The following PRKN variants were observed in gnomAD, a reference collection of about 807,000 sequenced individuals.
PRKN encodes E3 ubiquitin-protein ligase parkin.
Under a neutral mutation model 59.5 loss-of-function variants are expected in PRKN, and 56 were observed. That is an observed-to-expected ratio of 0.94 (90% confidence interval 0.76 to 1.18). PRKN has a LOEUF of 1.18. Among genes scored for constraint, PRKN ranks in the 50% most tolerant of loss-of-function variants. The pLI, the probability that PRKN is intolerant of heterozygous loss-of-function variation, is 0.00. For missense variants in PRKN, 657 were observed against 596.4 expected (o/e 1.10, Z -1.06); for synonymous variants, 250 against 222.1 (o/e 1.13, Z -1.12).
chr6:162,229,987 C>T (rs1018171029), intron 3 of PRKN, among the ~76,000 whole-genome samples: 1 of 152,254 alleles, frequency 6.6e-6, no homozygotes. Context: ...AGAACCACTC[C>T]GCCACAGAGC....
intron 1 of PRKN, among the ~76,000 whole-genome samples, chr6:162,701,783 AC>A (rs1195472654): frequency 6.6e-6 from 1 of 151,420 alleles, no homozygotes; most frequent in Non-Finnish European, 1.5e-5. Flanking sequence ...CAAAAGTATA[AC>A]TTCAAAAACT....
rs1233841625 is a variant in PRKN at position 161,440,770 on chromosome 6, T to C, written c.1084-53893A>G. 1.3e-5 allele frequency among the ~76,000 whole-genome samples: 2 copies of C among 152,202 alleles called. No individual in the cohort carries two copies. The highest frequency in any genetic ancestry group is 1.5e-5 in the Non-Finnish European group (1 of 68,034). On this transcript the variant is annotated intron_variant, in intron 9 of 11. Transcript: ENST00000366898. The surrounding 1 kb of genome is among the most constrained non-coding windows in gnomAD (Gnocchi z 4.1). ...AGGTCCTGAGAGCTCCCTGACATCA[T>C]TCAGGACTGAAGGTAGAAAGTAGAA...
At chr6:162,326,644 A>G (rs1416326171) in intron 2 of PRKN, among the ~76,000 whole-genome samples, 1 of 152,182 alleles carries the variant, frequency 6.6e-6, no homozygotes, top group African/African-American at 2.4e-5. Flanking sequence ...TCATAAATCA[A>G]TGATACTCCC....
At chr6:162,525,816 G>A (rs991585820) in intron 1 of PRKN, among the ~76,000 whole-genome samples, 1 of 152,154 alleles carries the variant, frequency 6.6e-6, no homozygotes, top group African/African-American at 2.4e-5. Context: ...TCGCTAAGCT[G>A]TAAAACATAT....
intron 2 of PRKN, among the ~76,000 whole-genome samples, chr6:162,379,030 C>G (rs531286625): frequency 6.6e-6 from 1 of 152,290 alleles, no homozygotes; most frequent in East Asian, 1.9e-4. Context: ...GGCCTTTATT[C>G]AAATACTTTA....
At position 162,714,282 on chromosome 6, in the gene PRKN, A is replaced by G. The variant is rs1453242951; in HGVS notation, c.7+13380T>C. On this transcript the variant is annotated intron_variant, in intron 1 of 11. Transcript: ENST00000366898. ...GTCTTTAACACAAAAGAACATCTTT[A>G]GAACAATTGTGAAAAAAATCAGACT... 2.6e-5 allele frequency among the ~76,000 whole-genome samples: 4 copies of G among 152,344 alleles called. No individual in the cohort carries two copies. In the East Asian group the frequency reaches 7.7e-4, roughly 29 times the overall value.
At chr6:162,425,953 G>T (rs1789220084) in intron 2 of PRKN, among the ~76,000 whole-genome samples, 1 of 152,192 alleles carries the variant, frequency 6.6e-6, no homozygotes, top group Non-Finnish European at 1.5e-5. Flanking sequence ...GATTTGAAAT[G>T]ATTTCTAAAG....
intron 6 of PRKN, among the ~76,000 whole-genome samples, chr6:161,922,396 T>C (rs1256262193): frequency 6.6e-6 from 1 of 152,232 alleles, no homozygotes; most frequent in East Asian, 1.9e-4. Flanking sequence ...AATGGATGTC[T>C]ATCATTTCTC....
chr6:162,019,757 G>A (rs1257976332), intron 5 of PRKN, among the ~76,000 whole-genome samples: 1 of 152,154 alleles, frequency 6.6e-6, no homozygotes, highest in Non-Finnish European at 1.5e-5. Flanking sequence ...TGGTGGTCAC[G>A]CCTGTAATCC....
At chr6:161,997,485 A>C (rs1390362798) in intron 5 of PRKN, among the ~76,000 whole-genome samples, 1 of 152,032 alleles carries the variant, frequency 6.6e-6, no homozygotes, top group Non-Finnish European at 1.5e-5. Context: ...CATAAGCAAG[A>C]AATTTCTTTT....
chr6:162,176,374 C>T (rs576604393), intron 4 of PRKN, among the ~76,000 whole-genome samples: 1 of 152,088 alleles, frequency 6.6e-6, no homozygotes, highest in Non-Finnish European at 1.5e-5. Flanking sequence ...GTATAAAGAG[C>T]CACACCGTCT....
At chr6:162,104,563 A>C (rs1780111076) in intron 4 of PRKN, among the ~76,000 whole-genome samples, 1 of 152,064 alleles carries the variant, frequency 6.6e-6, no homozygotes, top group South Asian at 2.1e-4. Context: ...TGCTTCTCAG[A>C]CTCTGACGTG....
At chr6:162,283,549 T>C (rs1781022699) in intron 2 of PRKN, among the ~76,000 whole-genome samples, 1 of 152,204 alleles carries the variant, frequency 6.6e-6, no homozygotes, top group African/African-American at 2.4e-5. Context: ...CTTAGAACAG[T>C]CTTGCTCTGT....
intron 1 of PRKN, among the ~76,000 whole-genome samples, chr6:162,486,510 A>C (rs956381299): frequency 4.6e-5 from 7 of 152,166 alleles, no homozygotes; most frequent in African/African-American, 9.7e-5. Context: ...GCATCTGTGA[A>C]TATGTACCAC....
At chr6:162,655,700 G>T (rs549364754) in intron 1 of PRKN, among the ~76,000 whole-genome samples, 3 of 152,142 alleles carry the variant, frequency 2.0e-5, no homozygotes, top group East Asian at 1.9e-4. Context: ...CTGTGAGATA[G>T]ATATACAGAA....
rs764279095 is a variant in PRKN, at chr6:161,388,379, G to T, written c.1084-1502C>A. On this transcript the variant is annotated intron_variant, in intron 9 of 11. Coordinates refer to ENST00000366898, the MANE Select transcript of PRKN (RefSeq NM_004562.3). This position sits in a 1 kb window ranked among gnomAD's most constrained non-coding sequence, Gnocchi z 4.3. ...ATTTTGCCCCTACTCCATTTCATAG[G>T]AAGGAGTTTCCTCACCAGAAAACTG... Among the ~76,000 whole-genome samples the T allele has an allele frequency of 2.6e-5, 4 of 152,182 alleles. No individual in the cohort carries two copies. Among genetic ancestry groups the T allele is most frequent in the South Asian group, 2.1e-4 (1 of 4,834 alleles).
At chr6:162,674,047 G>C (rs145167632) in intron 1 of PRKN, among the ~76,000 whole-genome samples, 1 of 152,148 alleles carries the variant, frequency 6.6e-6, no homozygotes, top group Non-Finnish European at 1.5e-5. Flanking sequence ...CAGCCAATCC[G>C]TGCACAGTGC....
At chr6:161,616,256 A>G (rs967334515) in intron 7 of PRKN, among the ~76,000 whole-genome samples, 5 of 152,136 alleles carry the variant, frequency 3.3e-5, no homozygotes, top group Admixed American at 1.3e-4. Context: ...ACACAACACA[A>G]CAGGTTTGCC....
rs1790569232 is a variant in PRKN at position 161,468,055 on chromosome 6, C to T, written c.1083+80799G>A. On this transcript the variant is annotated intron_variant, in intron 9 of 11. Coordinates refer to ENST00000366898, the MANE Select transcript of PRKN (RefSeq NM_004562.3). This position sits in a 1 kb window ranked among gnomAD's most constrained non-coding sequence, Gnocchi z 5.9. ...TGGTGTGATCTCAGCTCACTGCAAC[C>T]TCTGCCTTCCGGGTTCAAGCAATTT... 1.3e-5 allele frequency among the ~76,000 whole-genome samples: 2 copies of T among 152,164 alleles called. No homozygotes were observed. The highest frequency in any genetic ancestry group is 1.3e-4 in the Admixed American group (2 of 15,276).
Sources: allele counts gnomAD v4.1 joint callset (sites outside exome capture counted in the v4.1 genomes callset), GRCh38; gene constraint gnomAD v4.1.1; non-coding constraint Gnocchi (gnomAD v3.1); transcripts MANE v1.5; gene names NCBI Gene and HGNC (gene_info 2026-07-23, HGNC 2026-07-21).